The following TMEM178A variants were observed in gnomAD, a reference collection of about 807,000 sequenced individuals.
TMEM178A encodes the protein transmembrane protein 178A.
TMEM178A carries 12 observed loss-of-function variants against 29.1 expected under a neutral mutation model. That is an observed-to-expected ratio of 0.41 (90% CI 0.26 to 0.67). The LOEUF (loss-of-function observed/expected upper bound fraction) is 0.67. Ranked by LOEUF, TMEM178A falls within the 30% of genes least tolerant of loss-of-function variation. The pLI, the probability that TMEM178A is intolerant of heterozygous loss-of-function variation, is 0.29. For missense variants in TMEM178A, 366 were observed against 419.1 expected (o/e 0.87, Z 1.11); for synonymous variants, 210 against 187.2 (o/e 1.12, Z -0.99).
chr2:39,672,444 T>C (rs1670443829), intron 1 of TMEM178A, among the ~76,000 whole-genome samples: 1 of 152,212 alleles, frequency 6.6e-6, no homozygotes, highest in Admixed American at 6.5e-5. Context: ...CCTTAGCTAC[T>C]GATTTTTCTT....
chr2:39,666,192 T>C lies in TMEM178A; in HGVS notation c.218T>C (p.Leu73Pro). 4.9e-6 allele frequency: 7 copies of C among 1,439,736 alleles called. No individual in the cohort carries two copies. The highest frequency in any genetic ancestry group is 6.4e-6 in the Non-Finnish European group (7 of 1,100,788). 89.2% of individuals were successfully genotyped at this position (1,439,736 alleles called of 1,614,324 possible). A position where few individuals can be genotyped will look rare whatever the true frequency, so the allele number is the denominator to read the frequency against. ...SHLPLRDSPP[L>P]GRRLLPGGPG... is the part of the protein sequence containing the mutation. ...CTGCCGCTGCGGGACTCGCCCCCGC[T>C]GGGGCGCCGGCTGCTCCCGGGCGGC... Residue 73 changes from leucine (L) to proline (P), a missense_variant, in exon 1 of 4, where the codon CTG becomes CCG. Leu to Pro is a moderately conservative substitution (Grantham distance 98). Coordinates refer to ENST00000281961, the MANE Select transcript of TMEM178A (RefSeq NM_152390.3).
At chr2:39,695,492 GT>G (rs1671499035) in intron 1 of TMEM178A, among the ~76,000 whole-genome samples, 1 of 151,160 alleles carries the variant, frequency 6.6e-6, no homozygotes, top group Non-Finnish European at 1.5e-5. Context: ...AGTGAGCTAT[GT>G]GGTCTGCAGT....
intron 3 of TMEM178A, among the ~76,000 whole-genome samples, chr2:39,708,021 A>G (rs553903475): frequency 1.3e-5 from 2 of 152,374 alleles, no homozygotes; most frequent in South Asian, 2.1e-4. Context: ...AAGACACACA[A>G]TGAATAAGGC....
chr2:39,672,927 T>C (rs1279506039), intron 1 of TMEM178A, among the ~76,000 whole-genome samples: 1 of 152,148 alleles, frequency 6.6e-6, no homozygotes, highest in Non-Finnish European at 1.5e-5. Context: ...ATGTCAATGC[T>C]AAGTGTGAAA....
At chr2:39,681,687 A>G (rs572296833) in intron 1 of TMEM178A, among the ~76,000 whole-genome samples, 3 of 152,336 alleles carry the variant, frequency 2.0e-5, no homozygotes, top group Admixed American at 1.3e-4. Flanking sequence ...ATGGGAGACT[A>G]TGAACTAGAA....
intron 1 of TMEM178A, among the ~76,000 whole-genome samples, chr2:39,672,887 A>AGC (rs1670464739): frequency 1.3e-5 from 2 of 152,088 alleles, no homozygotes. Context: ...TTGTTGGAGG[A>AGC]GCGTCTGGAC....
the TMEM178A span, among the ~76,000 whole-genome samples, chr2:39,729,611 C>T: frequency 6.6e-6 from 1 of 152,172 alleles, no homozygotes; most frequent in Non-Finnish European, 1.5e-5. Context: ...ACCTGCTCAT[C>T]CTCTCCCCTT....
intron 1 of TMEM178A, among the ~76,000 whole-genome samples, chr2:39,679,294 T>C (rs1327595978): frequency 3.3e-5 from 5 of 152,272 alleles, no homozygotes; most frequent in African/African-American, 1.2e-4. Context: ...AGTGTTTTTG[T>C]TGTTGTTGTT....
At chr2:39,718,587 G>A (rs1186432620), downstream of TMEM178A, among the ~76,000 whole-genome samples, 1 of 152,160 alleles carries the variant, frequency 6.6e-6, no homozygotes, top group Non-Finnish European at 1.5e-5. Flanking sequence ...CTGGGCTGTG[G>A]TGTTATTTCA....
At chr2:39,683,895 T>C (rs759598412) in intron 1 of TMEM178A, among the ~76,000 whole-genome samples, 4 of 152,218 alleles carry the variant, frequency 2.6e-5, no homozygotes, top group Non-Finnish European at 5.9e-5. Context: ...CAGTGCCTTA[T>C]TTATTGAAAG....
chr2:39,683,920 C>T (rs1248426765), intron 1 of TMEM178A, among the ~76,000 whole-genome samples: 1 of 152,180 alleles, frequency 6.6e-6, no homozygotes, highest in East Asian at 1.9e-4. Context: ...GGATTGACTT[C>T]TTTATTGATT....
intron 1 of TMEM178A, among the ~76,000 whole-genome samples, chr2:39,686,993 G>A (rs936948097): frequency 8.0e-5 from 12 of 150,528 alleles, no homozygotes; most frequent in African/African-American, 2.7e-4. Flanking sequence ...GTGTGTGTGT[G>A]TGTGTGTGTG....
At chr2:39,734,363 A>G in the TMEM178A span, among the ~76,000 whole-genome samples, 1 of 151,976 alleles carries the variant, frequency 6.6e-6, no homozygotes, top group Admixed American at 6.6e-5. Flanking sequence ...TTTCTATTTC[A>G]CTGGTTGTTC....
chr2:39,726,081 T>TA, the TMEM178A span, among the ~76,000 whole-genome samples: 1 of 151,954 alleles, frequency 6.6e-6, no homozygotes, highest in Non-Finnish European at 1.5e-5. Context: ...AGGAAAAAAG[T>TA]AAAAAATCTT....
In TMEM178A at chr2:39,711,648, A is replaced by T. The variant is rs532383899; in HGVS notation, c.652+4462A>T. 7.8e-4 allele frequency among the ~76,000 whole-genome samples: 118 copies of T among 152,156 alleles called. 1 individual carries two copies. In the South Asian group the frequency reaches 0.013, roughly 17 times the overall value. On this transcript the variant is annotated intron_variant, in intron 3 of 3. Transcript: ENST00000281961. ...CATTCTTTTGTTTTAATGAATCCAA[A>T]TTTTTTTTAAAAAAAGACTCAACCA...
intron 1 of TMEM178A, among the ~76,000 whole-genome samples, chr2:39,701,183 C>A (rs1446399697): frequency 6.6e-6 from 1 of 151,994 alleles, no homozygotes; most frequent in Non-Finnish European, 1.5e-5. Context: ...AGTTATTATC[C>A]TTCATTTCAC....
chr2:39,709,627 G>T (rs976993513), intron 3 of TMEM178A, among the ~76,000 whole-genome samples: 1 of 152,038 alleles, frequency 6.6e-6, no homozygotes, highest in African/African-American at 2.4e-5. Context: ...CCTCTGCTGG[G>T]GCTTAATGGT....
Position 39,707,043 on chromosome 2 carries a change from G to T in TMEM178A, c.515-6G>T. 6.3e-7 allele frequency: 1 copy of T among 1,597,912 alleles called. No homozygotes were observed. On this transcript the variant is annotated splice_region_variant and splice_polypyrimidine_tract_variant and intron_variant, in intron 2 of 3. Transcript: ENST00000281961. ...TTGTGAATGTCTGTGTCTGTTTTGA[G>T]ATTAGATTTAAGAAGAATCACTGCT...
At chr2:39,679,231 T>C (rs1670764514) in intron 1 of TMEM178A, among the ~76,000 whole-genome samples, 1 of 152,200 alleles carries the variant, frequency 6.6e-6, no homozygotes, top group South Asian at 2.1e-4. Context: ...AAATTTGCCT[T>C]AGATTGATTC....
Sources: gnomAD v4.1 joint callset for allele counts (sites outside exome capture counted in the v4.1 genomes callset) on GRCh38, gnomAD v4.1.1 for gene constraint, MANE v1.5 for transcripts, NCBI Gene and HGNC (gene_info 2026-07-23, HGNC 2026-07-21) for gene names.